INPP4B: variants seen among roughly 807,000 people sequenced by gnomAD.
INPP4B encodes inositol polyphosphate 4-phosphatase type II.
A neutral mutation model predicts 122.5 loss-of-function variants in INPP4B; 55 were observed. That is an observed-to-expected ratio of 0.45 (90% CI 0.36 to 0.56). The LOEUF is 0.56. Among genes scored for constraint, INPP4B ranks in the 20% least tolerant of loss-of-function variants. INPP4B has a pLI of 0.00. For synonymous variants in INPP4B, 403 were observed against 388.7 expected (o/e 1.04, Z -0.43); for missense variants, 1,000 against 1,097.7 (o/e 0.91, Z 1.26).
At chr4:142,323,605 C>G (rs547182321) in intron 7 of INPP4B, among the ~76,000 whole-genome samples, 1 of 152,018 alleles carries the variant, frequency 6.6e-6, no homozygotes, top group Admixed American at 6.5e-5. Flanking sequence ...GCCACCACGC[C>G]TGGCTAATTT....
intron 15 of INPP4B, among the ~76,000 whole-genome samples, chr4:142,178,447 C>T (rs559789922): frequency 6.6e-6 from 1 of 152,252 alleles, no homozygotes; most frequent in Admixed American, 6.5e-5. Flanking sequence ...CGGCAGGAGG[C>T]AGACAAGAAG....
chr4:142,075,942 T>G (rs1255636563), intron 25 of INPP4B, among the ~76,000 whole-genome samples: 1 of 152,126 alleles, frequency 6.6e-6, no homozygotes, highest in East Asian at 1.9e-4. Context: ...TCAATTAGAT[T>G]CATTTCCATT....
chr4:142,354,795 G>A (rs968885855), intron 7 of INPP4B, among the ~76,000 whole-genome samples: 1 of 152,038 alleles, frequency 6.6e-6, no homozygotes, highest in African/African-American at 2.4e-5. Context: ...ATATTCCAGA[G>A]ATTAGGGAGA....
intron 19 of INPP4B, 101 bp downstream of exon 19, chr4:142,124,487 T>C: frequency 9.1e-7 from 1 of 1,094,614 alleles, no homozygotes; most frequent in Non-Finnish European, 1.3e-6. Context: ...AAGGATCTTT[T>C]TAAAAATAAA....
At chr4:142,519,332 A>AAT (rs1045259531) in intron 2 of INPP4B, among the ~76,000 whole-genome samples, 2 of 152,280 alleles carry the variant, frequency 1.3e-5, no homozygotes, top group South Asian at 4.1e-4. Flanking sequence ...AATCTTCATT[A>AAT]ATATATATAT....
intron 12 of INPP4B, among the ~76,000 whole-genome samples, chr4:142,213,912 C>T (rs977417209): frequency 4.6e-5 from 7 of 152,046 alleles, no homozygotes; most frequent in Admixed American, 3.9e-4. Flanking sequence ...CTCGAGGGTG[C>T]GAGTTGAGAA....
In INPP4B at chr4:142,644,205, A is replaced by AAAAAT. The variant is rs540841626; in HGVS notation, c.-191+81629_-191+81633dup. Among the ~76,000 whole-genome samples the AAAAAT allele has an allele frequency of 4.0e-3, 608 of 151,274 alleles. 1 individual carries two copies. The highest frequency in any genetic ancestry group is 5.5e-3 in the Non-Finnish European group (375 of 67,832). ...TGACAGAGTGAGACTGTCTCAAAAA[A>AAAAAT]AAAATAAAATAAAATAAAATAAGAA... On this transcript the variant is annotated intron_variant, in intron 2 of 25. Transcript: ENST00000262992.
chr4:142,764,831 G>A (rs886846585), intron 1 of INPP4B, among the ~76,000 whole-genome samples: 2 of 151,916 alleles, frequency 1.3e-5, no homozygotes, highest in East Asian at 1.9e-4. Flanking sequence ...AGAACACGGA[G>A]GTTAAGGCTA....
At chr4:142,534,452 A>G (rs1003385148) in intron 2 of INPP4B, among the ~76,000 whole-genome samples, 3 of 152,070 alleles carry the variant, frequency 2.0e-5, no homozygotes, top group African/African-American at 7.2e-5. Context: ...ACCTTCTGCC[A>G]TGTAAGGACA....
At chr4:142,705,308 C>T (rs1312782862) in intron 2 of INPP4B, among the ~76,000 whole-genome samples, 2 of 152,160 alleles carry the variant, frequency 1.3e-5, no homozygotes, top group Non-Finnish European at 2.9e-5. Flanking sequence ...CAATCCTGCA[C>T]ATTCACTGAA....
intron 16 of INPP4B, among the ~76,000 whole-genome samples, chr4:142,164,460 A>G (rs887529472): frequency 6.6e-6 from 1 of 151,806 alleles, no homozygotes. Context: ...GATATTTGGT[A>G]TTTTGAAATT....
chr4:142,795,648 T>A (rs976095228), intron 1 of INPP4B: 14 of 152,006 alleles, frequency 9.2e-5, no homozygotes, highest in East Asian at 3.9e-4. Flanking sequence ...TAGAACAGTA[T>A]CTGTCACATA....
rs371343366 is a variant in INPP4B at position 142,137,016 on chromosome 4, T to C, written c.1720+8824A>G. The stretch of plus-strand genomic sequence containing the variant: ...ATCAAGATACCAATGAGTTTCTTCA[T>C]AGAATTGGAAAAAACTACTTTAAAG... On this transcript the variant is annotated intron_variant, in intron 18 of 25. Transcript: ENST00000262992. 1.4e-4 allele frequency among the ~76,000 whole-genome samples: 22 copies of C among 152,216 alleles called. 1 individual carries two copies. The South Asian group carries it at 2.3e-3, about 16-fold the overall frequency.
At chr4:142,292,107 G>T (rs1756726057) in intron 9 of INPP4B, among the ~76,000 whole-genome samples, 2 of 152,146 alleles carry the variant, frequency 1.3e-5, no homozygotes, top group Admixed American at 1.3e-4. Context: ...AAGGAGAAAT[G>T]ACATGAAAGA....
chr4:142,575,553 T>C (rs1354813722), intron 2 of INPP4B, among the ~76,000 whole-genome samples: 1 of 152,050 alleles, frequency 6.6e-6, no homozygotes. Flanking sequence ...CACCTCTGAG[T>C]TCCTCACTTC....
At chr4:142,529,546 G>A (rs1467658777) in intron 2 of INPP4B, among the ~76,000 whole-genome samples, 1 of 151,770 alleles carries the variant, frequency 6.6e-6, no homozygotes, top group Admixed American at 6.6e-5. Context: ...TATTTTATGT[G>A]AACATAAAAT....
At chr4:142,422,382 A>G (rs1435324111) in intron 5 of INPP4B, among the ~76,000 whole-genome samples, 1 of 152,112 alleles carries the variant, frequency 6.6e-6, no homozygotes, top group African/African-American at 2.4e-5. Context: ...AGCCCATAAT[A>G]GATGCTGAAA....
At chr4:142,588,972 G>A (rs957771260) in intron 2 of INPP4B, among the ~76,000 whole-genome samples, 1 of 152,038 alleles carries the variant, frequency 6.6e-6, no homozygotes, top group East Asian at 1.9e-4. Context: ...TATCAACATT[G>A]TGTTGTAATG....
intron 2 of INPP4B, among the ~76,000 whole-genome samples, chr4:142,716,502 A>T (rs1763787441): frequency 1.3e-5 from 2 of 152,296 alleles, no homozygotes; most frequent in South Asian, 4.2e-4. Context: ...AGAACAAAAA[A>T]TTACTGGCTG....
Sources: allele counts gnomAD v4.1 joint callset (sites outside exome capture counted in the v4.1 genomes callset), GRCh38; gene constraint gnomAD v4.1.1; transcripts MANE v1.5; gene names NCBI Gene and HGNC (gene_info 2026-07-23, HGNC 2026-07-21).